DKK3: variants seen among roughly 807,000 people sequenced by gnomAD.
DKK3 encodes dickkopf-related protein 3.
DKK3 carries 22 observed loss-of-function variants against 33.2 expected under a neutral mutation model. That is an observed-to-expected ratio of 0.66 (90% confidence interval 0.47 to 0.95). The LOEUF (loss-of-function observed/expected upper bound fraction) is 0.95. DKK3 is among the 40% of genes least tolerant of loss of function. The pLI is 0.00. For synonymous variants in DKK3, 194 were observed against 188.8 expected, an observed-to-expected ratio of 1.03 and a Z score of -0.23; for missense variants, 398 against 458.4, an observed-to-expected ratio of 0.87 and a Z score of 1.20.
intron 3 of DKK3, among the ~76,000 whole-genome samples, chr11:11,996,008 G>A (rs11022106): frequency 0.026 from 4,034 of 152,282 alleles, 82 homozygotes; most frequent in Non-Finnish European, 0.044. Flanking sequence ...ACACATTCCA[G>A]CATTTGAAGA....
intron 3 of DKK3, among the ~76,000 whole-genome samples, chr11:11,997,665 C>T (rs935171743): frequency 6.6e-6 from 1 of 152,142 alleles, no homozygotes; most frequent in Non-Finnish European, 1.5e-5. Flanking sequence ...CCTCCCCCCA[C>T]CCCCAGGCTC....
upstream of DKK3, chr11:12,009,691 GC>G: frequency 1.0e-6 from 1 of 985,654 alleles, no homozygotes; most frequent in Non-Finnish European, 1.2e-6. Context: ...AAAAATCCCA[GC>G]CCCCAGCCTG....
chr11:11,976,049 G>A (rs187233690), intron 3 of DKK3, among the ~76,000 whole-genome samples: 30 of 152,308 alleles, frequency 2.0e-4, no homozygotes, highest in African/African-American at 6.3e-4. Context: ...TACCCCTAGC[G>A]TGGATCTCTA....
chr11:11,995,068 G>A (rs1163601752), intron 3 of DKK3, among the ~76,000 whole-genome samples: 2 of 152,000 alleles, frequency 1.3e-5, no homozygotes, highest in African/African-American at 4.8e-5. Flanking sequence ...ATCCACCTGT[G>A]GCCTCAGAAG....
intron 1 of DKK3, among the ~76,000 whole-genome samples, chr11:12,007,352 C>T (rs998053219): frequency 1.3e-5 from 2 of 152,218 alleles, no homozygotes; most frequent in Non-Finnish European, 2.9e-5. Flanking sequence ...GGACGGCTGG[C>T]TCCTCTCTAT....
chr11:11,990,210 G>T (rs957009310), intron 3 of DKK3, among the ~76,000 whole-genome samples: 30 of 152,226 alleles, frequency 2.0e-4, no homozygotes, highest in African/African-American at 6.8e-4. Context: ...TGGAGGAGCT[G>T]TTGGGCCCCT....
At chr11:12,005,589 A>T (rs1290729617) in intron 1 of DKK3, among the ~76,000 whole-genome samples, 1 of 152,220 alleles carries the variant, frequency 6.6e-6, no homozygotes, top group Non-Finnish European at 1.5e-5. Context: ...TCCAATAATG[A>T]CCGTACAAGT....
intron 3 of DKK3, among the ~76,000 whole-genome samples, chr11:11,989,234 A>G (rs1041028771): frequency 2.6e-5 from 4 of 152,254 alleles, no homozygotes; most frequent in African/African-American, 7.2e-5. Flanking sequence ...ATTTGATATG[A>G]AAGAATATCA....
At chr11:11,968,665 C>T in intron 3 of DKK3, 178 bp from the exon 4 acceptor site, 1 of 530,356 alleles carries the variant, frequency 1.9e-6, no homozygotes, top group Non-Finnish European at 3.3e-6. Context: ...CACTGCCCTT[C>T]AGCATCTCCA....
At chr11:12,005,206 C>T (rs1848513517) in intron 1 of DKK3, among the ~76,000 whole-genome samples, 2 of 152,122 alleles carry the variant, frequency 1.3e-5, no homozygotes, top group Admixed American at 1.3e-4. Flanking sequence ...TAAAACTTTT[C>T]CCCCCAGCTC....
intron 3 of DKK3, among the ~76,000 whole-genome samples, chr11:11,985,823 A>G (rs900268933): frequency 1.3e-5 from 2 of 152,208 alleles, no homozygotes; most frequent in African/African-American, 4.8e-5. Flanking sequence ...CCTTCCTCTC[A>G]CCTTCCAAAT....
chr11:11,992,528 G>C (rs1019925978), intron 3 of DKK3, among the ~76,000 whole-genome samples: 2 of 152,168 alleles, frequency 1.3e-5, no homozygotes, highest in Non-Finnish European at 2.9e-5. Context: ...CATAGACATT[G>C]AGCACTCAAA....
intron 3 of DKK3, among the ~76,000 whole-genome samples, chr11:11,987,555 A>C (rs991544847): frequency 1.3e-5 from 2 of 152,194 alleles, no homozygotes; most frequent in Admixed American, 6.5e-5. Context: ...TGCTGAGGCT[A>C]TCTGGGCTCA....
chr11:12,003,838 C>G lies in DKK3; in HGVS notation c.214-1401G>C, dbSNP rs184815102. ...ACTAGATGAGCCCCTGCTTTAACCA[C>G]CAGGTTTGCTGAGCTGAGGAGGATA... On this transcript the variant is annotated intron_variant, in intron 1 of 6. Coordinates refer to ENST00000683431, the MANE Select transcript of DKK3 (RefSeq NM_001018057.2). 3.7e-3 allele frequency among the ~76,000 whole-genome samples: 567 copies of G among 152,242 alleles called. 3 individuals are homozygous for G. Among genetic ancestry groups the G allele is most frequent in the Non-Finnish European group, 6.2e-3 (419 of 68,024 alleles).
At chr11:12,003,691 T>C (rs996094734) in intron 1 of DKK3, among the ~76,000 whole-genome samples, 7 of 152,164 alleles carry the variant, frequency 4.6e-5, no homozygotes, top group African/African-American at 1.7e-4. Flanking sequence ...TACCTGATAG[T>C]TGGCAATTTT....
chr11:11,998,627 C>T (rs920204174), intron 3 of DKK3, 69 bp downstream of exon 3: 14 of 1,413,786 alleles, frequency 9.9e-6, no homozygotes, highest in East Asian at 2.3e-5. Context: ...TCTGAGTCAC[C>T]GTTGGCAAAC....
intron 3 of DKK3, 25 bp from the exon 4 acceptor site, chr11:11,968,512 T>C: frequency 1.9e-6 from 3 of 1,607,816 alleles, no homozygotes; most frequent in East Asian, 2.2e-5. Context: ...AGGGAGCAGA[T>C]GTGTCAATGG....
intron 3 of DKK3, among the ~76,000 whole-genome samples, chr11:11,973,732 C>T (rs979643478): frequency 2.6e-5 from 4 of 152,238 alleles, no homozygotes; most frequent in African/African-American, 7.2e-5. Context: ...CTGGAAGCAG[C>T]CCCGGTGCTT....
At chr11:11,994,059 C>G (rs10444246) in intron 3 of DKK3, among the ~76,000 whole-genome samples, 31,650 of 152,096 alleles carry the variant, frequency 0.21, 3,423 homozygotes, top group African/African-American at 0.26. Flanking sequence ...GAGCACATCA[C>G]TCAGAGAGCG....
Sources: allele counts gnomAD v4.1 joint callset (sites outside exome capture counted in the v4.1 genomes callset), GRCh38; gene constraint gnomAD v4.1.1; transcripts MANE v1.5; gene names NCBI Gene and HGNC (gene_info 2026-07-23, HGNC 2026-07-21).